The following SV2C variants were observed in gnomAD, a reference collection of about 807,000 sequenced individuals.
SV2C encodes the protein solute carrier family 22 member B3.
A neutral mutation model predicts 79.7 loss-of-function variants in SV2C; 49 were observed. That is an observed-to-expected ratio of 0.61 (90% confidence interval 0.49 to 0.78). The LOEUF (loss-of-function observed/expected upper bound fraction) is 0.78, where lower values mean the gene tolerates loss of function less well. SV2C is among the 30% of genes least tolerant of loss of function. The pLI, the probability that SV2C is intolerant of heterozygous loss-of-function variation, is 0.00. For synonymous variants in SV2C, 334 were observed against 333.2 expected, an observed-to-expected ratio of 1.00 and a Z score of -0.03; for missense variants, 833 against 912.9, an observed-to-expected ratio of 0.91 and a Z score of 1.13.
At chr5:76,174,010 A>G in intron 2 of SV2C, 2 of 1,566,358 alleles carry the variant, frequency 1.3e-6, no homozygotes, top group Non-Finnish European at 1.8e-6. Flanking sequence ...CCGTTCCTGC[A>G]GTATCCAAGA....
At chr5:76,186,037 G>A (rs1348410975) in intron 2 of SV2C, among the ~76,000 whole-genome samples, 3 of 152,156 alleles carry the variant, frequency 2.0e-5, no homozygotes, top group East Asian at 3.9e-4. Context: ...ATATCTCTAG[G>A]GAAGGGGCAA....
intron 2 of SV2C, among the ~76,000 whole-genome samples, chr5:76,184,356 G>A (rs1312665249): frequency 6.6e-6 from 1 of 152,184 alleles, no homozygotes; most frequent in Non-Finnish European, 1.5e-5. Context: ...TTTATAGCAG[G>A]AGCTCAAGCA....
At chr5:75,881,363 C>A in the SV2C span, among the ~76,000 whole-genome samples, 2 of 152,152 alleles carry the variant, frequency 1.3e-5, no homozygotes, top group African/African-American at 4.8e-5. Context: ...AAGACAGTGA[C>A]TGGCCCCTGG....
chr5:76,199,202 C>T (rs1744358784), intron 3 of SV2C, among the ~76,000 whole-genome samples: 1 of 152,032 alleles, frequency 6.6e-6, no homozygotes, highest in South Asian at 2.1e-4. Context: ...GATTCTCATC[C>T]TAGAGACCTT....
rs1381783633 is a variant in SV2C at position 76,156,826 on chromosome 5, A to G, written c.580+24496A>G. 3.9e-5 allele frequency among the ~76,000 whole-genome samples: 6 copies of G among 152,022 alleles called. No homozygotes were observed. In the South Asian group the frequency reaches 1.0e-3, roughly 26 times the overall value. On this transcript the variant is annotated intron_variant, in intron 2 of 12. Coordinates refer to ENST00000502798, the MANE Select transcript of SV2C (RefSeq NM_014979.4). ...GAGTAGATTTGAACTGACAAAAGAAAGAATTAATGAACTAGAAGAAAGATT... is the reference window on the plus strand; with the variant it reads ...GAGTAGATTTGAACTGACAAAAGAAGGAATTAATGAACTAGAAGAAAGATT...
At chr5:75,956,412 G>T in the SV2C span, among the ~76,000 whole-genome samples, 1 of 109,460 alleles carries the variant, frequency 9.1e-6, no homozygotes, top group East Asian at 3.4e-4. Context: ...GGGGGGAGGG[G>T]GGAGGGATGG....
chr5:76,038,601 A>G, the SV2C span, among the ~76,000 whole-genome samples: 4 of 152,254 alleles, frequency 2.6e-5, no homozygotes, highest in Admixed American at 6.5e-5. Flanking sequence ...ACAAATGTGG[A>G]AACTTTATCA....
At chr5:76,038,543 T>G in the SV2C span, among the ~76,000 whole-genome samples, 2 of 152,338 alleles carry the variant, frequency 1.3e-5, no homozygotes, top group African/African-American at 4.8e-5. Flanking sequence ...AGAGTTGTCA[T>G]ATAAATGTTA....
chr5:76,243,919 C>T (rs1375898897), intron 4 of SV2C, among the ~76,000 whole-genome samples: 1 of 152,174 alleles, frequency 6.6e-6, no homozygotes, highest in Non-Finnish European at 1.5e-5. Context: ...CCTCTCAGGG[C>T]ATTTGCACAT....
chr5:76,030,064 G>T, the SV2C span, among the ~76,000 whole-genome samples: 1 of 151,914 alleles, frequency 6.6e-6, no homozygotes, highest in Non-Finnish European at 1.5e-5. Flanking sequence ...GAAGGGTCAG[G>T]GAAACCACTT....
At chr5:75,983,502 T>G in the SV2C span, among the ~76,000 whole-genome samples, 1 of 151,860 alleles carries the variant, frequency 6.6e-6, no homozygotes, top group Non-Finnish European at 1.5e-5. Flanking sequence ...AGATGATAAT[T>G]GTAGTGCAAA....
chr5:76,341,570 G>A (rs575468248), intron 12 of SV2C, among the ~76,000 whole-genome samples: 2 of 152,302 alleles, frequency 1.3e-5, no homozygotes, highest in African/African-American at 4.8e-5. Context: ...TAGCAGTGAT[G>A]TGATGCATTG....
At chr5:76,279,032 T>G (rs1028733793) in intron 4 of SV2C, among the ~76,000 whole-genome samples, 5 of 152,194 alleles carry the variant, frequency 3.3e-5, no homozygotes, top group African/African-American at 1.2e-4. Context: ...TGGAACTTAC[T>G]GATGGATTGA....
the SV2C span, among the ~76,000 whole-genome samples, chr5:75,913,884 A>C: frequency 6.6e-6 from 1 of 152,234 alleles, no homozygotes; most frequent in Non-Finnish European, 1.5e-5. Context: ...ATGGAAATGC[A>C]AACCAGGGAA....
the SV2C span, among the ~76,000 whole-genome samples, chr5:76,028,707 G>T: frequency 6.6e-6 from 1 of 152,204 alleles, no homozygotes; most frequent in Admixed American, 6.5e-5. Flanking sequence ...AGGGTTCTCA[G>T]CTTTAGCACT....
chr5:76,091,489 G>A (rs62362231), intron 1 of SV2C, among the ~76,000 whole-genome samples: 3,504 of 152,268 alleles, frequency 0.023, 63 homozygotes, highest in Non-Finnish European at 0.037. Flanking sequence ...CAGTGTTGTG[G>A]AATCTGCTGA....
rs1416608485 is a variant in SV2C, at chr5:76,291,756, A to G, written c.1249-12A>G. ...AACTGCATGAGAAAACTAACTCTCT[A>G]ATATTTCACAGATTTGGTTGACTTT... On this transcript the variant is annotated splice_polypyrimidine_tract_variant and intron_variant, in intron 7 of 12. Coordinates refer to ENST00000502798, the MANE Select transcript of SV2C (RefSeq NM_014979.4). The G allele has an allele frequency of 4.4e-6, 7 of 1,593,142 alleles. No homozygotes were observed. The Admixed American group carries it at 1.2e-4, about 27-fold the overall frequency.
chr5:76,086,803 G>A lies in SV2C; in HGVS notation c.-102+3291G>A, dbSNP rs151167316. 9.9e-5 allele frequency among the ~76,000 whole-genome samples: 15 copies of A among 152,284 alleles called. No homozygotes were observed. The East Asian group carries it at 1.2e-3, about 12-fold the overall frequency. ...AAAATAACAATGGGAATGAAGTTACGATTTTAATTCTTGCTAGAAATATGT... is the reference window on the plus strand; with the variant it reads ...AAAATAACAATGGGAATGAAGTTACAATTTTAATTCTTGCTAGAAATATGT... On this transcript the variant is annotated intron_variant, in intron 1 of 12. Coordinates refer to ENST00000502798, the MANE Select transcript of SV2C (RefSeq NM_014979.4).
At chr5:75,936,162 C>A in the SV2C span, among the ~76,000 whole-genome samples, 1 of 152,134 alleles carries the variant, frequency 6.6e-6, no homozygotes, top group Admixed American at 6.5e-5. Flanking sequence ...GCAATCTGGC[C>A]TCAAGGGAGT....
Sources: allele counts gnomAD v4.1 joint callset (sites outside exome capture counted in the v4.1 genomes callset), GRCh38; gene constraint gnomAD v4.1.1; transcripts MANE v1.5; gene names NCBI Gene and HGNC (gene_info 2026-07-23, HGNC 2026-07-21).